The following HS6ST2 variants were observed in gnomAD, a reference collection of about 807,000 sequenced individuals.
HS6ST2 encodes heparan sulfate 6-O-sulfotransferase 2.
A neutral mutation model predicts 33.0 loss-of-function variants in HS6ST2; 17 were observed. The observed-to-expected ratio is 0.52, with a 90% CI of 0.35 to 0.77. The LOEUF (loss-of-function observed/expected upper bound fraction) is 0.77, where lower values mean the gene tolerates loss of function less well. Among genes scored for constraint, HS6ST2 ranks in the 30% least tolerant of loss-of-function variants. The probability of loss-of-function intolerance (pLI) is 0.01; values close to 1 mark genes in which losing one functional copy is unlikely to be tolerated. For synonymous variants in HS6ST2, 248 were observed against 237.1 expected, an observed-to-expected ratio of 1.05 and a Z score of -0.42; for missense variants, 519 against 551.7, an observed-to-expected ratio of 0.94 and a Z score of 0.59.
At chrX:132,811,683 A>AT (rs1261409317) in intron 2 of HS6ST2, among the ~76,000 whole-genome samples, 39 of 21,994 alleles carry the variant, frequency 1.8e-3, no homozygotes, top group East Asian at 9.7e-3. Context: ...TAAAGGCTGA[A>AT]TAATATATAT....
chrX:132,626,194 A>G lies in HS6ST2; in HGVS notation c.*2029T>C, dbSNP rs1321963766. On this transcript the variant is annotated 3_prime_UTR_variant, in exon 5 of 5. Coordinates refer to ENST00000370833, the MANE Select transcript of HS6ST2 (RefSeq NM_001394073.1). The stretch of plus-strand genomic sequence containing the variant: ...ACAATAATCAGTATAGACAGAGAAA[A>G]TGCACTTAATCTTTGCAAATCATGC... 1.8e-5 allele frequency: 2 copies of G among 112,491 alleles called. No homozygotes were observed. The highest frequency in any genetic ancestry group is 5.6e-4 in the East Asian group (2 of 3,569). 9.3% of individuals were successfully genotyped at this position (112,491 alleles called of 1,213,427 possible).
At chrX:132,892,470 G>A (rs192160817) in intron 2 of HS6ST2, among the ~76,000 whole-genome samples, 15 of 111,890 alleles carry the variant, frequency 1.3e-4, no homozygotes, top group East Asian at 1.1e-3. Context: ...GTATTGCAAT[G>A]TTCCAAGACC....
chrX:132,868,480 C>G (rs756974153), intron 2 of HS6ST2, among the ~76,000 whole-genome samples: 5 of 112,229 alleles, frequency 4.5e-5, no homozygotes, highest in South Asian at 3.7e-4. Flanking sequence ...AATATACATT[C>G]TTCTCAGCAC....
intron 2 of HS6ST2, among the ~76,000 whole-genome samples, chrX:132,764,397 A>G (rs988589212): frequency 1.8e-5 from 2 of 112,157 alleles, no homozygotes; most frequent in Admixed American, 1.9e-4. Flanking sequence ...TAACACTAAC[A>G]AAACAATGGT....
intron 3 of HS6ST2, among the ~76,000 whole-genome samples, chrX:132,706,792 T>A (rs746290373): frequency 8.9e-6 from 1 of 112,562 alleles, no homozygotes; most frequent in African/African-American, 3.2e-5. Context: ...ATGTTATTTG[T>A]TTTATTGCTT....
At chrX:132,882,599 T>C (rs1032544206) in intron 2 of HS6ST2, among the ~76,000 whole-genome samples, 5 of 106,692 alleles carry the variant, frequency 4.7e-5, no homozygotes, top group Non-Finnish European at 9.7e-5. Flanking sequence ...CCTCTTTTCC[T>C]AATTGAATAC....
chrX:132,628,768 G>A lies in HS6ST2; in HGVS notation c.1393C>T (p.Leu465=). ...KVLLESAKSN[L]KHMAFFGLTE... ...AGGCCGAAGAACGCCATGTGCTTCA[G>A]ATTTGACTTGGCACTTTCCAGAAGG... is the stretch of plus-strand genomic sequence containing the variant. The change falls in exon 5 of 5, where the codon CTG becomes TTG. Residue 465 remains leucine, a synonymous_variant. Coordinates refer to ENST00000370833, the MANE Select transcript of HS6ST2 (RefSeq NM_001394073.1). 8.3e-7 allele frequency: 1 copy of A among 1,211,915 alleles called. No individual in the cohort carries two copies. The highest frequency in any genetic ancestry group is 1.1e-6 in the Non-Finnish European group (1 of 895,461).
chrX:132,738,314 T>A (rs2064529017), intron 2 of HS6ST2, among the ~76,000 whole-genome samples: 1 of 112,259 alleles, frequency 8.9e-6, no homozygotes, highest in Non-Finnish European at 1.9e-5. Flanking sequence ...CATCCCAAGG[T>A]CATAGAAAGT....
intron 4 of HS6ST2, among the ~76,000 whole-genome samples, chrX:132,656,492 A>G (rs12014965): frequency 0.31 from 33,701 of 110,004 alleles, 5,427 homozygotes; most frequent in African/African-American, 0.62. Flanking sequence ...GAGTACAAGT[A>G]GTTTTGTGTT....
At chrX:132,896,385 G>A (rs2066375791) in intron 2 of HS6ST2, among the ~76,000 whole-genome samples, 1 of 108,360 alleles carries the variant, frequency 9.2e-6, no homozygotes, top group Admixed American at 1.0e-4. Context: ...GTGGGAGAAT[G>A]TCATAAACCC....
Position 132,957,082 on chromosome X carries a change from C to T in HS6ST2, c.673G>A (p.Gly225Ser). The change falls in exon 2 of 5, where the codon GGC becomes AGC. Residue 225 changes from glycine (G) to serine (S), a missense_variant. Physicochemically the swap from Gly to Ser is moderately conservative, Grantham distance 56. Coordinates refer to ENST00000370833, the MANE Select transcript of HS6ST2 (RefSeq NM_001394073.1). ...TGCAGGAACACGATCAGGTCATCGC[C>T]CTTGATGTCGAAGTCTACCTTGCGC... is the stretch of plus-strand genomic sequence containing the variant. ...LLRKVDFDIK[G>S]DDLIVFLHIQ... is the part of the protein sequence containing the mutation. 2 of 1,211,819 alleles carry T rather than the reference C, an allele frequency of 1.7e-6. No individual in the cohort carries two copies. The highest frequency in any genetic ancestry group is 2.2e-6 in the Non-Finnish European group (2 of 895,466).
intron 2 of HS6ST2, among the ~76,000 whole-genome samples, chrX:132,747,985 G>T (rs1473141258): frequency 9.0e-6 from 1 of 111,483 alleles, no homozygotes; most frequent in Non-Finnish European, 1.9e-5. Context: ...TTTTTAAAAG[G>T]TTGACATTTT....
At chrX:132,854,769 A>G (rs1197111288) in intron 2 of HS6ST2, among the ~76,000 whole-genome samples, 1 of 112,281 alleles carries the variant, frequency 8.9e-6, no homozygotes, top group Non-Finnish European at 1.9e-5. Flanking sequence ...TTGCTTTCTT[A>G]TGCCCTTTAC....
At chrX:132,669,062 C>G in intron 4 of HS6ST2, 51 bp downstream of exon 4, 2 of 844,026 alleles carry the variant, frequency 2.4e-6, no homozygotes, top group Non-Finnish European at 3.5e-6. Flanking sequence ...GAGGACAGCA[C>G]TTGACTTTTT....
chrX:132,893,812 T>C (rs1015568688), intron 2 of HS6ST2, among the ~76,000 whole-genome samples: 1 of 111,472 alleles, frequency 9.0e-6, no homozygotes, highest in Non-Finnish European at 1.9e-5. Context: ...TACAGCTTGC[T>C]GTGTTTCCCC....
chrX:132,683,548 G>A (rs1262064764), intron 3 of HS6ST2, among the ~76,000 whole-genome samples: 1 of 112,042 alleles, frequency 8.9e-6, no homozygotes. Context: ...GAAGGTTCTG[G>A]TTTAAGTGGA....
In HS6ST2 at chrX:132,739,480, C is replaced by T. The variant is rs186414451; in HGVS notation, c.948-30986G>A. On this transcript the variant is annotated intron_variant, in intron 2 of 4. Coordinates refer to ENST00000370833, the MANE Select transcript of HS6ST2 (RefSeq NM_001394073.1). ...CTGTAATCGCAGCACTTTGGGAGGC[C>T]GAGGCAGACGGATCACTTGAGGTCA... Among the ~76,000 whole-genome samples, 20 of 110,784 alleles carry T rather than the reference C, an allele frequency of 1.8e-4. 1 individual carries two copies. Among genetic ancestry groups the T allele is most frequent in the African/African-American group, 6.2e-4 (19 of 30,487 alleles).
Position 132,629,201 on chromosome X carries a change from C to A in HS6ST2, c.1068-108G>T. The A allele has an allele frequency of 2.4e-5, 20 of 839,769 alleles. No homozygotes were observed. In the Admixed American group the frequency reaches 3.4e-4, roughly 14 times the overall value. The allele number at this position is 839,769 out of a possible 1,213,427, so 69.2% of individuals were successfully genotyped here. The stretch of plus-strand genomic sequence containing the variant: ...TCACTGGCTAAAAAGGAAGGCAAAG[C>A]AAAAATGACAGGGATCTGATGGCAT... On this transcript the variant is annotated intron_variant, in intron 4 of 4. Transcript: ENST00000370833.
At chrX:132,891,557 C>T (rs1164120848) in intron 2 of HS6ST2, among the ~76,000 whole-genome samples, 8 of 109,078 alleles carry the variant, frequency 7.3e-5, no homozygotes, top group African/African-American at 2.7e-4. Flanking sequence ...CACAACAGGC[C>T]CCAGAGTGTG....
Sources: gnomAD v4.1 joint callset for allele counts (sites outside exome capture counted in the v4.1 genomes callset) on GRCh38, gnomAD v4.1.1 for gene constraint, MANE v1.5 for transcripts, NCBI Gene and HGNC (gene_info 2026-07-23, HGNC 2026-07-21) for gene names.